ELAPOR1: variants seen among roughly 807,000 people sequenced by gnomAD.
ELAPOR1 encodes endosome/lysosome-associated apoptosis and autophagy regulator 1.
Under a neutral mutation model 119.7 loss-of-function variants are expected in ELAPOR1, and 77 were observed. The ratio of observed to expected loss-of-function variants is 0.64; its 90% confidence interval spans 0.54 to 0.78. The LOEUF (loss-of-function observed/expected upper bound fraction) is 0.78, where lower values mean the gene tolerates loss of function less well. ELAPOR1 is among the 30% of genes least tolerant of loss of function. The probability of loss-of-function intolerance (pLI) is 0.00; values close to 1 mark genes in which losing one functional copy is unlikely to be tolerated. For synonymous variants in ELAPOR1, 481 were observed against 487.2 expected, an observed-to-expected ratio of 0.99 and a Z score of 0.17; for missense variants, 1,115 against 1,270.4, an observed-to-expected ratio of 0.88 and a Z score of 1.86.
intron 1 of ELAPOR1, among the ~76,000 whole-genome samples, chr1:109,140,602 C>T (rs1649769013): frequency 6.6e-6 from 1 of 152,110 alleles, no homozygotes; most frequent in Admixed American, 6.6e-5. Context: ...TTGACTTCAT[C>T]AGTAGCAATG....
At chr1:109,168,785 T>A (rs1265682755) in intron 3 of ELAPOR1, among the ~76,000 whole-genome samples, 1 of 152,210 alleles carries the variant, frequency 6.6e-6, no homozygotes, top group Non-Finnish European at 1.5e-5. Context: ...TTCTTCATTC[T>A]AAAAATGATG....
intron 1 of ELAPOR1, among the ~76,000 whole-genome samples, chr1:109,156,537 T>A (rs1313436073): frequency 6.7e-6 from 1 of 150,162 alleles, no homozygotes; most frequent in Non-Finnish European, 1.5e-5. Flanking sequence ...TCTGTCTCTA[T>A]GAATTTGACT....
Position 109,171,964 on chromosome 1 carries a change from T to C in ELAPOR1, c.566T>C (p.Val189Ala). ...GTCAACCTGAAGCAATCTGGCACCG[T>C]TAACTTCGAATACTACTATCCAGAC... ...YAVNLKQSGT[V>A]NFEYYYPDSS... Residue 189 changes from valine (V) to alanine (A), a missense_variant, in exon 4 of 22, where the codon GTT (valine) becomes GCT (alanine). Coordinates refer to ENST00000369939, the MANE Select transcript of ELAPOR1 (RefSeq NM_020775.5). The C allele has an allele frequency of 1.2e-6, 2 of 1,614,182 alleles. No individual in the cohort carries two copies. The highest frequency in any genetic ancestry group is 1.7e-6 in the Non-Finnish European group (2 of 1,180,030).
intron 7 of ELAPOR1, among the ~76,000 whole-genome samples, chr1:109,181,806 G>A (rs1165093600): frequency 1.3e-5 from 2 of 152,090 alleles, no homozygotes; most frequent in Non-Finnish European, 2.9e-5. Context: ...TCAGCCAGTA[G>A]TTCCCACCTG....
chr1:109,128,657 C>T (rs1648949594), intron 1 of ELAPOR1, among the ~76,000 whole-genome samples: 1 of 152,182 alleles, frequency 6.6e-6, no homozygotes, highest in South Asian at 2.1e-4. Flanking sequence ...CTAAAGGAAA[C>T]CTGTGCCATT....
chr1:109,114,246 C>T lies in ELAPOR1; in HGVS notation c.63C>T (p.Arg21=), dbSNP rs574610508. The T allele has an allele frequency of 1.2e-6, 2 of 1,604,324 alleles. No individual in the cohort carries two copies. Among genetic ancestry groups the T allele is most frequent in the Admixed American group, 1.7e-5 (1 of 58,720 alleles). Residue 21 remains arginine, a synonymous_variant, in exon 1 of 22, where the codon CGC becomes CGT. Coordinates refer to ENST00000369939, the MANE Select transcript of ELAPOR1 (RefSeq NM_020775.5). ...SARVRGRTER[R]IPRLWRLLLW... ...GAGTCAGGGGAAGAACTGAGAGGCG[C>T]ATACCCCGGCTGTGGCGGCTGCTGC...
chr1:109,131,712 A>G (rs1275751856), intron 1 of ELAPOR1, among the ~76,000 whole-genome samples: 1 of 152,050 alleles, frequency 6.6e-6, no homozygotes, highest in Admixed American at 6.6e-5. Flanking sequence ...TGCGTTTGCA[A>G]CTCTAAGAGG....
intron 13 of ELAPOR1, 73 bp downstream of exon 13, chr1:109,191,936 A>C: frequency 6.4e-7 from 1 of 1,551,992 alleles, no homozygotes. Flanking sequence ...CATTAGCTTA[A>C]GTATGAGTGT....
rs1653664054 is a variant in ELAPOR1, at chr1:109,194,560, T to C, written c.2087T>C (p.Phe696Ser). 6.2e-7 allele frequency: 1 copy of C among 1,613,828 alleles called. No homozygotes were observed. The highest frequency in any genetic ancestry group is 8.5e-7 in the Non-Finnish European group (1 of 1,179,796). Residue 696 changes from phenylalanine to serine, a missense_variant, in exon 15 of 22, where the codon TTC (phenylalanine) becomes TCC (serine). Phe to Ser is a radical substitution (Grantham distance 155). Coordinates refer to ENST00000369939, the MANE Select transcript of ELAPOR1 (RefSeq NM_020775.5). ...TTCACTTCCAAAGGGCTGAAATACT[T>C]CCATCACTTTACCCTCAGTCTCTGT... is the stretch of plus-strand genomic sequence containing the variant. ...PSFTSKGLKY[F>S]HHFTLSLCGN...
At chr1:109,188,388 A>G (rs564965625) in intron 9 of ELAPOR1, 34 bp downstream of exon 9, 34 of 1,581,758 alleles carry the variant, frequency 2.1e-5, no homozygotes, top group East Asian at 4.5e-5. Flanking sequence ...TCTGCAGCAC[A>G]TCGACTGTGT....
chr1:109,163,038 T>C (rs1344055072), intron 2 of ELAPOR1, among the ~76,000 whole-genome samples: 2 of 152,208 alleles, frequency 1.3e-5, no homozygotes, highest in African/African-American at 4.8e-5. Flanking sequence ...GAGCCAGCCA[T>C]CCCCAGAGGA....
chr1:109,186,225 A>C (rs1033934466), intron 8 of ELAPOR1, among the ~76,000 whole-genome samples: 1 of 152,134 alleles, frequency 6.6e-6, no homozygotes, highest in Non-Finnish European at 1.5e-5. Context: ...GGCAGCAGAC[A>C]CAGCAGGAGA....
intron 1 of ELAPOR1, among the ~76,000 whole-genome samples, chr1:109,152,500 T>C (rs534519559): frequency 2.5e-4 from 38 of 152,216 alleles, no homozygotes; most frequent in Admixed American, 5.9e-4. Context: ...CTCTGGGAGG[T>C]AGGGGAGGTA....
intron 1 of ELAPOR1, among the ~76,000 whole-genome samples, chr1:109,115,123 T>C (rs770701346): frequency 6.6e-5 from 10 of 152,302 alleles, no homozygotes; most frequent in Non-Finnish European, 1.5e-4. Flanking sequence ...TAACCAAAAA[T>C]AGCTTTTGAA....
At chr1:109,202,905 C>T in intron 21 of ELAPOR1, 39 bp from the exon 22 acceptor site, 2 of 1,611,774 alleles carry the variant, frequency 1.2e-6, no homozygotes, top group Non-Finnish European at 8.5e-7. Flanking sequence ...AAACTTGCCC[C>T]TGTGCAGCAG....
chr1:109,144,061 A>ATATATATATATATATATATATATTT, intron 1 of ELAPOR1, among the ~76,000 whole-genome samples: 2 of 89,018 alleles, frequency 2.2e-5, no homozygotes, highest in African/African-American at 9.6e-5. Flanking sequence ...ATATTTATAT[A>ATATATATATATATATATATATATTT]TTTTTTTTTT....
intron 15 of ELAPOR1, among the ~76,000 whole-genome samples, chr1:109,195,617 G>T (rs745324021): frequency 6.6e-6 from 1 of 152,190 alleles, no homozygotes; most frequent in Middle Eastern, 3.4e-3. Flanking sequence ...TGCATTTGTC[G>T]CTTGTTTTCT....
chr1:109,127,120 A>T (rs1258844015), intron 1 of ELAPOR1, among the ~76,000 whole-genome samples: 1 of 151,868 alleles, frequency 6.6e-6, no homozygotes, highest in Non-Finnish European at 1.5e-5. Context: ...AACACAACAG[A>T]TAATTATAGT....
At chr1:109,189,323 G>T in intron 10 of ELAPOR1, 129 bp downstream of exon 10, 1 of 1,191,482 alleles carries the variant, frequency 8.4e-7, no homozygotes, top group Non-Finnish European at 1.2e-6. Context: ...TCCCTTGAAA[G>T]TTCCACTCCT....
Sources: gnomAD v4.1 joint callset for allele counts (sites outside exome capture counted in the v4.1 genomes callset) on GRCh38, gnomAD v4.1.1 for gene constraint, MANE v1.5 for transcripts, NCBI Gene and HGNC (gene_info 2026-07-23, HGNC 2026-07-21) for gene names.